SPACA7: variants seen among roughly 807,000 people sequenced by gnomAD.
SPACA7 encodes sperm acrosome associated 7.
In SPACA7, 19 loss-of-function variants were observed where a neutral mutation model predicts 26.3. The observed-to-expected ratio is 0.72, with a 90% CI of 0.50 to 1.06. SPACA7 has a LOEUF of 1.06. Ranked by LOEUF, SPACA7 falls within the 50% of genes least tolerant of loss-of-function variation. The pLI, the probability that SPACA7 is intolerant of heterozygous loss-of-function variation, is 0.00. For synonymous variants in SPACA7, 84 were observed against 84.5 expected, an observed-to-expected ratio of 0.99 and a Z score of 0.04; for missense variants, 211 against 229.9, an observed-to-expected ratio of 0.92 and a Z score of 0.53.
chr13:112,427,777 T>C (rs1876673928), intron 5 of SPACA7, among the ~76,000 whole-genome samples: 1 of 152,204 alleles, frequency 6.6e-6, no homozygotes, highest in Admixed American at 6.5e-5. Context: ...CTTTGATAAT[T>C]TGGGTCCTTA....
At chr13:112,415,697 C>A (rs1043519675) in intron 5 of SPACA7, among the ~76,000 whole-genome samples, 1 of 152,162 alleles carries the variant, frequency 6.6e-6, no homozygotes, top group Non-Finnish European at 1.5e-5. Context: ...GCATCCCAAG[C>A]CTTCTGCCTC....
At chr13:112,401,042 C>T in intron 4 of SPACA7, 27 bp from the exon 5 acceptor site, 1 of 1,568,626 alleles carries the variant, frequency 6.4e-7, no homozygotes, top group Non-Finnish European at 8.8e-7. Flanking sequence ...GACATTTTCC[C>T]CATTTTTTCC....
chr13:112,415,382 T>C (rs1285468170), intron 5 of SPACA7, among the ~76,000 whole-genome samples: 1 of 152,228 alleles, frequency 6.6e-6, no homozygotes, highest in Non-Finnish European at 1.5e-5. Context: ...GTCACTTTAG[T>C]CAGCCAGTGG....
rs1367305558 is a variant in SPACA7, at chr13:112,383,146, AAAG to A, written c.94+6670_94+6672del. On this transcript the variant is annotated intron_variant, in intron 1 of 6. Coordinates refer to ENST00000283550, the MANE Select transcript of SPACA7 (RefSeq NM_145248.5). ...AAAAGAAAGAAAGAAAGAAAGAAAG[AAAG>A]AAAGAAAGAAAGAAAGAAAGAAAGA... Among the ~76,000 whole-genome samples, 460 of 95,866 alleles carry A rather than the reference AAAG, an allele frequency of 4.8e-3. 2 individuals are homozygous for A. The highest frequency in any genetic ancestry group is 0.02 in the African/African-American group (419 of 21,164). The allele number at this position is 95,866 out of a possible 152,430, so 62.9% of individuals were successfully genotyped here.
chr13:112,430,820 G>C (rs932249457), intron 5 of SPACA7, among the ~76,000 whole-genome samples: 1 of 152,192 alleles, frequency 6.6e-6, no homozygotes, highest in Non-Finnish European at 1.5e-5. Flanking sequence ...AAGGGCTAGA[G>C]ATTACAAATA....
Position 112,430,477 on chromosome 13 carries a change from C to A in SPACA7, c.446-1967C>A, listed in dbSNP as rs924940079. On this transcript the variant is annotated intron_variant, in intron 5 of 6. Transcript: ENST00000283550. ...ATTAAATTGGGAGGATAAATCTAAT[C>A]CTTGTTACTCCATCCTTTCCAGACA... Among the ~76,000 whole-genome samples the A allele has an allele frequency of 5.3e-5, 8 of 152,128 alleles. No individual in the cohort carries two copies. In the East Asian group the frequency reaches 9.6e-4, roughly 18 times the overall value.
At chr13:112,390,292 A>G (rs1441313156) in intron 1 of SPACA7, among the ~76,000 whole-genome samples, 2 of 152,130 alleles carry the variant, frequency 1.3e-5, no homozygotes, top group South Asian at 2.1e-4. Context: ...GCCACTCTGT[A>G]TGGTTTGCAA....
At chr13:112,406,095 C>A (rs1223172665) in intron 5 of SPACA7, among the ~76,000 whole-genome samples, 5 of 151,958 alleles carry the variant, frequency 3.3e-5, no homozygotes, top group Admixed American at 6.6e-5. Flanking sequence ...TGCTAAAATA[C>A]CCACAACATA....
At chr13:112,383,259 G>A (rs1884323647) in intron 1 of SPACA7, among the ~76,000 whole-genome samples, 1 of 151,986 alleles carries the variant, frequency 6.6e-6, no homozygotes, top group African/African-American at 2.4e-5. Flanking sequence ...GCATTAGTTT[G>A]GGGATTCTAA....
rs200096300 is a variant in SPACA7 at position 112,432,480 on chromosome 13, C to T, written c.482C>T (p.Ser161Phe). 3.7e-6 allele frequency: 6 copies of T among 1,611,216 alleles called. No homozygotes were observed. The East Asian group carries it at 1.3e-4, about 36-fold the overall frequency. ...AAGAACACTCAGTATGAAAATCTAT[C>T]CATTCTGGACCAAATCCTTCAAAAT... Reference protein sequence around the residue: ...NSKNTQYENLSILDQILQNIG... With the variant: ...NSKNTQYENLFILDQILQNIG... Residue 161 changes from serine to phenylalanine, a missense_variant, in exon 6 of 7, where the codon TCC (serine) becomes TTC (phenylalanine). Physicochemically the swap from Ser to Phe is radical, Grantham distance 155. Coordinates refer to ENST00000283550, the MANE Select transcript of SPACA7 (RefSeq NM_145248.5).
At chr13:112,421,713 T>G (rs1240821831) in intron 5 of SPACA7, among the ~76,000 whole-genome samples, 2 of 152,160 alleles carry the variant, frequency 1.3e-5, no homozygotes, top group Non-Finnish European at 2.9e-5. Context: ...TCACCCTAAA[T>G]GCCAATCATT....
chr13:112,393,119 G>A (rs1268200592), intron 2 of SPACA7, 42 bp downstream of exon 2: 7 of 1,544,412 alleles, frequency 4.5e-6, no homozygotes, highest in Non-Finnish European at 6.3e-6. Flanking sequence ...TGTACGTGAA[G>A]AGGGCTGGAT....
At chr13:112,390,417 T>C (rs75337340) in intron 1 of SPACA7, among the ~76,000 whole-genome samples, 10,264 of 152,078 alleles carry the variant, frequency 0.067, 402 homozygotes, top group Non-Finnish European at 0.07. Context: ...TTGAGCTCCA[T>C]TCCTTTTCAT....
chr13:112,431,105 T>C (rs1877087330), intron 5 of SPACA7, among the ~76,000 whole-genome samples: 2 of 152,192 alleles, frequency 1.3e-5, no homozygotes, highest in Non-Finnish European at 2.9e-5. Flanking sequence ...CTGAACATCT[T>C]TCCTAAAACT....
At chr13:112,393,984 C>A (rs1465057773) in intron 2 of SPACA7, among the ~76,000 whole-genome samples, 288 of 133,134 alleles carry the variant, frequency 2.2e-3, no homozygotes, top group Non-Finnish European at 2.3e-3. Context: ...GACTCTGTCT[C>A]AAAAAAAAAA....
chr13:112,426,374 C>A (rs1049258193), intron 5 of SPACA7, among the ~76,000 whole-genome samples: 9 of 152,196 alleles, frequency 5.9e-5, no homozygotes, highest in Non-Finnish European at 8.8e-5. Context: ...TTTTCAAAAT[C>A]AATCTGGCTA....
chr13:112,425,251 G>C (rs915901535), intron 5 of SPACA7, among the ~76,000 whole-genome samples: 3 of 152,180 alleles, frequency 2.0e-5, no homozygotes, highest in African/African-American at 7.2e-5. Context: ...GAGTCAGAGG[G>C]CATGAGTTGA....
At chr13:112,382,675 A>C (rs1884157734) in intron 1 of SPACA7, among the ~76,000 whole-genome samples, 1 of 152,172 alleles carries the variant, frequency 6.6e-6, no homozygotes, top group South Asian at 2.1e-4. Flanking sequence ...GATAAGGAGC[A>C]CAATTTTTAA....
chr13:112,423,402 CTG>C lies in SPACA7; in HGVS notation c.446-9039_446-9038del, dbSNP rs1216650596. Among the ~76,000 whole-genome samples the C allele has an allele frequency of 3.3e-5, 5 of 151,952 alleles. No homozygotes were observed. In the South Asian group the frequency reaches 1.0e-3, roughly 32 times the overall value. On this transcript the variant is annotated intron_variant, in intron 5 of 6. Coordinates refer to ENST00000283550, the MANE Select transcript of SPACA7 (RefSeq NM_145248.5). ...ATTGAGAACAGAAAATATCAAGACACTGTGAAAAACAGGCAAAGTTGTCCAAT... is the reference window on the plus strand; with the variant it reads ...ATTGAGAACAGAAAATATCAAGACACTGAAAAACAGGCAAAGTTGTCCAAT...
Sources: gnomAD v4.1 joint callset for allele counts (sites outside exome capture counted in the v4.1 genomes callset) on GRCh38, gnomAD v4.1.1 for gene constraint, MANE v1.5 for transcripts, NCBI Gene and HGNC (gene_info 2026-07-23, HGNC 2026-07-21) for gene names.